Variants in UGT1A8 observed in about 807,000 individuals in gnomAD.
The protein encoded by UGT1A8 is UDP-glucuronosyltransferase 1A8.
Under a neutral mutation model 45.3 loss-of-function variants are expected in UGT1A8, and 39 were observed. The ratio of observed to expected loss-of-function variants is 0.86; its 90% confidence interval spans 0.67 to 1.12. UGT1A8 has a LOEUF of 1.12. UGT1A8 is among the 50% of genes most tolerant of loss of function. UGT1A8 has a pLI of 0.00. For missense variants in UGT1A8, 719 were observed against 664.9 expected, an observed-to-expected ratio of 1.08 and a Z score of -0.90; for synonymous variants, 275 against 249.2, an observed-to-expected ratio of 1.10 and a Z score of -0.97.
rs1315279815 is a variant in UGT1A8 at position 233,769,066 on chromosome 2, A to T, written c.1295+627A>T. Reference sequence around the variant, plus strand: ...ATCCATAAGTTTCCTGCACAGAAAGAAATACTCCATTATAAGAAGCATAGT... The same window carrying T: ...ATCCATAAGTTTCCTGCACAGAAAGTAATACTCCATTATAAGAAGCATAGT... On this transcript the variant is annotated intron_variant, in intron 4 of 4. Transcript: ENST00000373450. The surrounding 1 kb of genome is among the most constrained non-coding windows in gnomAD (Gnocchi z 4.4). 6.6e-6 allele frequency among the ~76,000 whole-genome samples: 1 copy of T among 152,220 alleles called. No homozygotes were observed. Among genetic ancestry groups the T allele is most frequent in the African/African-American group, 2.4e-5 (1 of 41,470 alleles).
At chr2:233,672,966 C>T (rs1002609299) in intron 1 of UGT1A8, among the ~76,000 whole-genome samples, 3 of 152,144 alleles carry the variant, frequency 2.0e-5, no homozygotes, top group Admixed American at 1.3e-4. Flanking sequence ...TATAAAACTG[C>T]CCTTCTTGAA....
intron 1 of UGT1A8, chr2:233,742,614 C>T (rs1692039877): frequency 6.6e-6 from 1 of 151,940 alleles, no homozygotes; most frequent in Admixed American, 6.5e-5. Context: ...TGGAGAACCA[C>T]GTTCAGGCTG....
At chr2:233,736,362 A>G (rs1213397450) in intron 1 of UGT1A8, among the ~76,000 whole-genome samples, 1 of 152,180 alleles carries the variant, frequency 6.6e-6, no homozygotes, top group African/African-American at 2.4e-5. Flanking sequence ...CAGCTCCATC[A>G]GGTCATTTAA....
At chr2:233,705,435 C>T (rs1194240506) in intron 1 of UGT1A8, among the ~76,000 whole-genome samples, 4 of 152,116 alleles carry the variant, frequency 2.6e-5, no homozygotes, top group Non-Finnish European at 5.9e-5. Flanking sequence ...ATAACTTATC[C>T]TTCAGAATTG....
intron 1 of UGT1A8, chr2:233,747,813 A>T (rs1693784433): frequency 6.2e-7 from 1 of 1,613,434 alleles, no homozygotes; most frequent in African/African-American, 1.3e-5. Context: ...ACTAACGACC[A>T]ATTCAGACCA....
chr2:233,647,375 G>A (rs1239724617), intron 1 of UGT1A8, among the ~76,000 whole-genome samples: 1 of 152,118 alleles, frequency 6.6e-6, no homozygotes, highest in African/African-American at 2.4e-5. Context: ...ATCTGGTTTT[G>A]GTATTGTGGT....
intron 1 of UGT1A8, among the ~76,000 whole-genome samples, chr2:233,759,869 A>G (rs1186818099): frequency 6.6e-6 from 1 of 152,190 alleles, no homozygotes; most frequent in African/African-American, 2.4e-5. Flanking sequence ...AAGCGGGGGT[A>G]CAGTTGTGTT....
In UGT1A8 at chr2:233,757,143, T is replaced by G. The variant is rs1451644825; in HGVS notation, c.856-9891T>G. ...GAGAGGAGGAATGAGCTTGGACAGG[T>G]GGGCTGGGGTCTATCCCAGAGTTTT... On this transcript the variant is annotated intron_variant, in intron 1 of 4. Coordinates refer to ENST00000373450, the MANE Select transcript of UGT1A8 (RefSeq NM_019076.5). 3.3e-5 allele frequency among the ~76,000 whole-genome samples: 5 copies of G among 150,656 alleles called. No individual in the cohort carries two copies. In the East Asian group the frequency reaches 7.9e-4, roughly 24 times the overall value.
chr2:233,640,872 A>G (rs2073433192), intron 1 of UGT1A8, among the ~76,000 whole-genome samples: 1 of 152,196 alleles, frequency 6.6e-6, no homozygotes, highest in African/African-American at 2.4e-5. Context: ...TGGAGCCCTA[A>G]TTAGGGAAAA....
intron 1 of UGT1A8, among the ~76,000 whole-genome samples, chr2:233,720,810 A>T (rs920812777): frequency 6.6e-6 from 1 of 151,018 alleles, no homozygotes; most frequent in Non-Finnish European, 1.5e-5. Context: ...GGTTTAAGAA[A>T]TTCTCCCACC....
intron 1 of UGT1A8, among the ~76,000 whole-genome samples, chr2:233,705,552 T>C (rs2075856587): frequency 1.3e-5 from 2 of 152,186 alleles, no homozygotes; most frequent in Non-Finnish European, 1.5e-5. Flanking sequence ...CAGCTGGTGA[T>C]ATTGCTTGTG....
intron 1 of UGT1A8, among the ~76,000 whole-genome samples, chr2:233,626,882 C>T (rs574842655): frequency 2.6e-5 from 4 of 152,096 alleles, no homozygotes; most frequent in African/African-American, 9.6e-5. Context: ...AAAGACAGTC[C>T]CTTACTGGCA....
At chr2:233,719,149 A>T in intron 1 of UGT1A8, 1 of 1,614,268 alleles carries the variant, frequency 6.2e-7, no homozygotes, top group Non-Finnish European at 8.5e-7. Flanking sequence ...CTGAAGAGAT[A>T]TTCTAGAAGT....
intron 1 of UGT1A8, among the ~76,000 whole-genome samples, chr2:233,724,413 G>A (rs1179316008): frequency 7.1e-6 from 1 of 141,162 alleles, no homozygotes; most frequent in Non-Finnish European, 1.5e-5. Context: ...TGGGGTGGCT[G>A]CCGGGCGGAG....
chr2:233,693,870 G>T (rs1264402797), intron 1 of UGT1A8: 2 of 1,614,164 alleles, frequency 1.2e-6, no homozygotes, highest in East Asian at 4.5e-5. Context: ...TCTCAGGTTG[G>T]TGGGTTTATT....
chr2:233,735,194 G>A (rs1453877809), intron 1 of UGT1A8, among the ~76,000 whole-genome samples: 1 of 152,090 alleles, frequency 6.6e-6, no homozygotes, highest in Admixed American at 6.5e-5. Flanking sequence ...GAATCTAGGT[G>A]CTCCTGTATT....
chr2:233,746,319 GA>G (rs1693359020), intron 1 of UGT1A8, among the ~76,000 whole-genome samples: 9 of 151,794 alleles, frequency 5.9e-5, no homozygotes, highest in Non-Finnish European at 1.0e-4. Context: ...CCCTGTAGAT[GA>G]TCTACAGGGC....
chr2:233,736,190 T>C (rs573636337), intron 1 of UGT1A8, among the ~76,000 whole-genome samples: 9 of 152,368 alleles, frequency 5.9e-5, no homozygotes, highest in African/African-American at 2.2e-4. Flanking sequence ...CCCATATTTC[T>C]TCAAGGCTTT....
At chr2:233,685,962 G>T (rs2074766524) in intron 1 of UGT1A8, among the ~76,000 whole-genome samples, 1 of 152,080 alleles carries the variant, frequency 6.6e-6, no homozygotes, top group African/African-American at 2.4e-5. Context: ...GTAGATCAAT[G>T]GAATAGAATT....
Sources: gnomAD v4.1 joint callset for allele counts (sites outside exome capture counted in the v4.1 genomes callset) on GRCh38, gnomAD v4.1.1 for gene constraint, Gnocchi (gnomAD v3.1) non-coding constraint, MANE v1.5 for transcripts, NCBI Gene and HGNC (gene_info 2026-07-23, HGNC 2026-07-21) for gene names.